The following PATJ variants were observed in gnomAD, a reference collection of about 807,000 sequenced individuals.
The protein encoded by PATJ is inaD-like protein.
Under a neutral mutation model 224.9 loss-of-function variants are expected in PATJ, and 190 were observed. The observed-to-expected ratio is 0.84, with a 90% CI of 0.75 to 0.95. The LOEUF is 0.95. PATJ is among the 40% of genes least tolerant of loss of function. The pLI, the probability that PATJ is intolerant of heterozygous loss-of-function variation, is 0.00. For missense variants in PATJ, 2,121 were observed against 2,270.3 expected, an observed-to-expected ratio of 0.93 and a Z score of 1.34; for synonymous variants, 769 against 820.3, an observed-to-expected ratio of 0.94 and a Z score of 1.07.
At chr1:62,107,890 A>G (rs1467610980) in intron 33 of PATJ, among the ~76,000 whole-genome samples, 4 of 152,228 alleles carry the variant, frequency 2.6e-5, no homozygotes, top group African/African-American at 4.8e-5. Flanking sequence ...CAAGATTACA[A>G]GAAGGCAGAG....
At chr1:61,828,365 T>A (rs1286736400) in intron 16 of PATJ, among the ~76,000 whole-genome samples, 1 of 151,846 alleles carries the variant, frequency 6.6e-6, no homozygotes, top group Non-Finnish European at 1.5e-5. Flanking sequence ...TCCTTATTTA[T>A]TTATTTTTTT....
chr1:61,899,198 C>A (rs3818715), intron 22 of PATJ, among the ~76,000 whole-genome samples: 84,445 of 151,956 alleles, frequency 0.56, 24,371 homozygotes, highest in East Asian at 0.68. Flanking sequence ...TACTTGATAT[C>A]TATGATACAT....
At chr1:61,776,168 G>T (rs1179866725) in intron 7 of PATJ, among the ~76,000 whole-genome samples, 1 of 152,194 alleles carries the variant, frequency 6.6e-6, no homozygotes, top group Non-Finnish European at 1.5e-5. Flanking sequence ...AGCCACTGAT[G>T]TTCCTATCAT....
intron 31 of PATJ, among the ~76,000 whole-genome samples, chr1:62,060,544 A>G (rs1008525065): frequency 1.3e-5 from 2 of 151,626 alleles, no homozygotes; most frequent in Non-Finnish European, 2.9e-5. Context: ...ATTTTTTTGT[A>G]TTTTTTATAG....
intron 14 of PATJ, among the ~76,000 whole-genome samples, chr1:61,810,011 C>A (rs1241693790): frequency 1.3e-5 from 2 of 151,802 alleles, no homozygotes; most frequent in Non-Finnish European, 2.9e-5. Context: ...CCACCCCCGG[C>A]TAATTTTTTT....
At chr1:62,013,654 G>A in intron 28 of PATJ, 1 of 254,954 alleles carries the variant, frequency 3.9e-6, no homozygotes, top group Non-Finnish European at 6.2e-6. Context: ...TCAAAGACAG[G>A]AGGGTAGGAT....
chr1:61,982,834 T>C (rs779356375), intron 27 of PATJ, among the ~76,000 whole-genome samples: 4 of 152,010 alleles, frequency 2.6e-5, no homozygotes, highest in African/African-American at 4.8e-5. Context: ...GTTTCTTAAT[T>C]TTAAGGGAGA....
At chr1:61,929,023 G>A (rs1331016053) in intron 27 of PATJ, among the ~76,000 whole-genome samples, 2 of 152,156 alleles carry the variant, frequency 1.3e-5, no homozygotes, top group Admixed American at 6.6e-5. Context: ...CCACCACCTC[G>A]GAAGGGATAA....
intron 27 of PATJ, among the ~76,000 whole-genome samples, chr1:61,933,700 A>G (rs9970292): frequency 0.043 from 6,589 of 152,170 alleles, 532 homozygotes; most frequent in African/African-American, 0.15. Context: ...AGAAGATGCC[A>G]TGTCTTTTTT....
intron 33 of PATJ, chr1:62,100,248 T>C: frequency 1.6e-6 from 1 of 617,834 alleles, no homozygotes; most frequent in Non-Finnish European, 3.0e-6. Context: ...TCTTACTCCA[T>C]TTTCTGCTGC....
At chr1:62,045,772 C>G (rs1652428653) in intron 30 of PATJ, among the ~76,000 whole-genome samples, 1 of 152,174 alleles carries the variant, frequency 6.6e-6, no homozygotes, top group African/African-American at 2.4e-5. Context: ...CTAATTCACT[C>G]GTGCCTTAGA....
At chr1:61,943,482 C>T (rs1315507507) in intron 27 of PATJ, among the ~76,000 whole-genome samples, 1 of 151,970 alleles carries the variant, frequency 6.6e-6, no homozygotes, top group Admixed American at 6.6e-5. Flanking sequence ...CGCCCACGGT[C>T]GCTGCTAGCA....
chr1:61,949,543 G>A (rs748840565), intron 27 of PATJ, among the ~76,000 whole-genome samples: 16 of 152,130 alleles, frequency 1.1e-4, no homozygotes, highest in African/African-American at 2.9e-4. Flanking sequence ...AATCACATGC[G>A]TAAGAGAGTT....
In PATJ at chr1:62,160,909, G is replaced by A; in HGVS notation, c.5504G>A (p.Gly1835Glu). 2.5e-6 allele frequency: 4 copies of A among 1,613,832 alleles called. No individual in the cohort carries two copies. The highest frequency in any genetic ancestry group is 2.2e-5 in the East Asian group (1 of 44,872). ...PIYVKTVFAK[G>E]AAADDGRLKR... ...AACTGAAATGTTTCTTGTTTGTAGG[G>A]AGCAGCTGCAGATGACGGCCGATTA... Residue 1835 changes from glycine (G) to glutamate (E), a missense_variant and splice_region_variant, in exon 44 of 44, where the codon GGA (glycine) becomes GAA (glutamate). Transcript: ENST00000642238.
At chr1:61,995,500 C>T (rs1645299790) in intron 28 of PATJ, among the ~76,000 whole-genome samples, 1 of 152,178 alleles carries the variant, frequency 6.6e-6, no homozygotes, top group African/African-American at 2.4e-5. Context: ...AACTCAGCTT[C>T]TCTTTGAGAG....
chr1:62,038,918 C>T (rs1650954974), intron 30 of PATJ: 1 of 985,110 alleles, frequency 1.0e-6, no homozygotes, highest in Non-Finnish European at 1.6e-6. Flanking sequence ...TGCACAGATT[C>T]ACTTAATCTG....
chr1:61,757,611 C>G (rs1645723697), intron 1 of PATJ, among the ~76,000 whole-genome samples: 1 of 152,026 alleles, frequency 6.6e-6, no homozygotes, highest in African/African-American at 2.4e-5. Context: ...GTTTCAGACT[C>G]CTGGGCTCAA....
At chr1:62,045,760 C>T (rs955859643) in intron 30 of PATJ, among the ~76,000 whole-genome samples, 3 of 152,198 alleles carry the variant, frequency 2.0e-5, no homozygotes, top group Non-Finnish European at 4.4e-5. Flanking sequence ...CCTCAAACCA[C>T]TCTAATTCAC....
At chr1:61,975,469 G>A (rs1332303275) in intron 27 of PATJ, among the ~76,000 whole-genome samples, 1 of 151,918 alleles carries the variant, frequency 6.6e-6, no homozygotes, top group Non-Finnish European at 1.5e-5. Context: ...TTTTTTAATA[G>A]ATAAATGGAG....
Sources: gnomAD v4.1 joint callset for allele counts (sites outside exome capture counted in the v4.1 genomes callset) on GRCh38, gnomAD v4.1.1 for gene constraint, MANE v1.5 for transcripts, NCBI Gene and HGNC (gene_info 2026-07-23, HGNC 2026-07-21) for gene names.